Variants in DOCK8 observed in about 807,000 individuals in gnomAD.
DOCK8 encodes dedicator of cytokinesis 8.
A neutral mutation model predicts 245.6 loss-of-function variants in DOCK8; 141 were observed. That is an observed-to-expected ratio of 0.57 (90% CI 0.50 to 0.66). DOCK8 has a LOEUF of 0.66. DOCK8 is among the 30% of genes least tolerant of loss of function. The pLI is 0.00. For missense variants in DOCK8, 2,965 were observed against 2,603.4 expected (o/e 1.14, Z -3.02); for synonymous variants, 1,168 against 970.2 (o/e 1.20, Z -3.79).
intron 11 of DOCK8, among the ~76,000 whole-genome samples, chr9:334,889 C>T (rs1427467962): frequency 6.6e-6 from 1 of 152,098 alleles, no homozygotes; most frequent in African/African-American, 2.4e-5. Context: ...CGAGACCAGC[C>T]TGGCCAACAT....
At chr9:301,505 C>G (rs967332271) in intron 4 of DOCK8, among the ~76,000 whole-genome samples, 4 of 152,058 alleles carry the variant, frequency 2.6e-5, no homozygotes, top group African/African-American at 9.7e-5. Flanking sequence ...AGAAATCAGG[C>G]AAGAAAAAGA....
chr9:427,983 T>G (rs2056561736), intron 34 of DOCK8, among the ~76,000 whole-genome samples: 1 of 152,220 alleles, frequency 6.6e-6, no homozygotes, highest in Non-Finnish European at 1.5e-5. Flanking sequence ...TTAGAAACAT[T>G]GCTGCCACCA....
At chr9:367,067 A>G (rs1330046170) in intron 14 of DOCK8, among the ~76,000 whole-genome samples, 1 of 152,172 alleles carries the variant, frequency 6.6e-6, no homozygotes, top group African/African-American at 2.4e-5. Context: ...TTTGTTCCTC[A>G]CTTGTGACAT....
At chr9:333,955 T>C (rs963095678) in intron 10 of DOCK8, among the ~76,000 whole-genome samples, 2 of 152,242 alleles carry the variant, frequency 1.3e-5, no homozygotes, top group African/African-American at 4.8e-5. Flanking sequence ...GAGTCTCTTT[T>C]TGTTTTCGTT....
intron 1 of DOCK8, among the ~76,000 whole-genome samples, chr9:262,625 C>T (rs1025059525): frequency 3.3e-5 from 5 of 151,320 alleles, no homozygotes; most frequent in African/African-American, 1.2e-4. Flanking sequence ...CTCGAAAATG[C>T]AAAGGATCTA....
chr9:363,858 C>T (rs946851279), intron 14 of DOCK8, among the ~76,000 whole-genome samples: 2 of 151,958 alleles, frequency 1.3e-5, no homozygotes, highest in Admixed American at 6.6e-5. Context: ...GAATGGGTGG[C>T]GGTGCCCCTG....
At chr9:213,481 G>A (rs1446784959), upstream of DOCK8, 1 of 152,134 alleles carries the variant, frequency 6.6e-6, no homozygotes, top group Non-Finnish European at 1.5e-5. Context: ...AAACAAACAG[G>A]TGAAATTAAC....
At chr9:253,732 T>G (rs762686967) in intron 1 of DOCK8, among the ~76,000 whole-genome samples, 1 of 152,248 alleles carries the variant, frequency 6.6e-6, no homozygotes, top group Non-Finnish European at 1.5e-5. Flanking sequence ...ATGTGGCTCC[T>G]CTGCCATGAT....
upstream of DOCK8, chr9:213,456 AT>A (rs2046655174): frequency 6.6e-6 from 1 of 152,218 alleles, no homozygotes; most frequent in African/African-American, 2.4e-5. Flanking sequence ...TGCAAACCAC[AT>A]TTTTAAAAGG....
chr9:222,955 A>G (rs1273060324), intron 1 of DOCK8, among the ~76,000 whole-genome samples: 2 of 152,196 alleles, frequency 1.3e-5, no homozygotes, highest in Non-Finnish European at 2.9e-5. Flanking sequence ...TTCTATCGCA[A>G]AATAAGAGTC....
rs1050261860 is a variant in DOCK8 at position 224,187 on chromosome 9, G to C, written c.53+9158G>C. On this transcript the variant is annotated intron_variant, in intron 1 of 47. Transcript: ENST00000432829. ...ACGGTTATTTAGAACTGTTCATTCT[G>C]ACAGTGTTTTTCAATTACTCCTTAA... Among the ~76,000 whole-genome samples, 15 of 152,110 alleles carry C rather than the reference G, an allele frequency of 9.9e-5. No homozygotes were observed. The East Asian group carries it at 2.9e-3, about 29-fold the overall frequency.
chr9:372,792 G>C (rs898146623), intron 18 of DOCK8, among the ~76,000 whole-genome samples: 8 of 148,792 alleles, frequency 5.4e-5, no homozygotes, highest in African/African-American at 1.8e-4. Flanking sequence ...CCCATTTAAA[G>C]AGAAGCCCAG....
At chr9:416,619 A>G (rs897452941) in intron 29 of DOCK8, among the ~76,000 whole-genome samples, 1 of 152,220 alleles carries the variant, frequency 6.6e-6, no homozygotes, top group African/African-American at 2.4e-5. Flanking sequence ...TTAGGTTGAT[A>G]AACTCATAAG....
rs2050376950 is a variant in DOCK8 at position 317,036 on chromosome 9, A to C, written c.742-7A>C. The C allele has an allele frequency of 1.2e-6, 2 of 1,610,060 alleles. No homozygotes were observed. The highest frequency in any genetic ancestry group is 1.7e-6 in the Non-Finnish European group (2 of 1,176,368). On this transcript the variant is annotated splice_region_variant and splice_polypyrimidine_tract_variant and intron_variant, in intron 6 of 47. Coordinates refer to ENST00000432829, the MANE Select transcript of DOCK8 (RefSeq NM_203447.4). ...TAATGATTTCCTTACGATGTGATTA[A>C]AAATAGGAGGATGCTGTGGAAATAC...
intron 23 of DOCK8, among the ~76,000 whole-genome samples, chr9:387,737 T>C (rs1001942355): frequency 9.8e-5 from 15 of 152,338 alleles, no homozygotes; most frequent in African/African-American, 3.6e-4. Flanking sequence ...AACAAATTAG[T>C]CCACTTGCTC....
At position 371,563 on chromosome 9, in the gene DOCK8, T is replaced by C; in HGVS notation, c.2004T>C (p.Tyr668=). 1 of 1,614,164 alleles carries C rather than the reference T, an allele frequency of 6.2e-7. No homozygotes were observed. Among genetic ancestry groups the C allele is most frequent in the Non-Finnish European group, 8.5e-7 (1 of 1,180,014 alleles). ...CCTCCGTGGAAACTCTCCTGGGATA[T>C]TCAGTGAGTTGTTTCCAGCCTGCTG... ...QGASVETLLG[Y]SWLPILLNER... The change falls in exon 17 of 48, where the codon TAT becomes TAC. Residue 668 remains tyrosine, a synonymous_variant. Transcript: ENST00000432829.
At chr9:278,569 A>G (rs1042246424) in intron 2 of DOCK8, among the ~76,000 whole-genome samples, 1 of 152,222 alleles carries the variant, frequency 6.6e-6, no homozygotes, top group South Asian at 2.1e-4. Context: ...GCTTTGAAGA[A>G]TGAAATCGTG....
At chr9:288,099 TACTTAGC>T (rs775465436) in intron 3 of DOCK8, among the ~76,000 whole-genome samples, 1 of 152,132 alleles carries the variant, frequency 6.6e-6, no homozygotes, top group Non-Finnish European at 1.5e-5. Flanking sequence ...ATAATTTCTT[TACTTAGC>T]ATCAGTTTTT....
chr9:387,222 T>C (rs1321170928), intron 23 of DOCK8, among the ~76,000 whole-genome samples: 1 of 152,084 alleles, frequency 6.6e-6, no homozygotes, highest in African/African-American at 2.4e-5. Flanking sequence ...GGTGGGTGGA[T>C]CACCTGAGGT....
Sources: allele counts gnomAD v4.1 joint callset (sites outside exome capture counted in the v4.1 genomes callset), GRCh38; gene constraint gnomAD v4.1.1; transcripts MANE v1.5; gene names NCBI Gene and HGNC (gene_info 2026-07-23, HGNC 2026-07-21).